The following NUP210L variants were observed in gnomAD, a reference collection of about 807,000 sequenced individuals.
The protein encoded by NUP210L is nuclear pore membrane glycoprotein 210-like.
NUP210L carries 74 observed loss-of-function variants against 208.5 expected under a neutral mutation model. The observed-to-expected ratio is 0.35, with a 90% confidence interval of 0.29 to 0.43. NUP210L has a LOEUF of 0.43. Among genes scored for constraint, NUP210L ranks in the 20% least tolerant of loss-of-function variants. The probability of loss-of-function intolerance (pLI) is 1.00; values close to 1 mark genes in which losing one functional copy is unlikely to be tolerated. For synonymous variants in NUP210L, 780 were observed against 816.9 expected (o/e 0.95, Z 0.77); for missense variants, 1,843 against 2,289.4 (o/e 0.81, Z 3.98).
intron 7 of NUP210L, among the ~76,000 whole-genome samples, chr1:154,130,576 ATT>A (rs765115829): frequency 0.012 from 1,139 of 98,892 alleles, 4 homozygotes; most frequent in East Asian, 0.016. Context: ...CCTGGCCCCA[ATT>A]TTTTTTTTTT....
chr1:153,995,861 T>C, intron 37 of NUP210L: 1 of 581,638 alleles, frequency 1.7e-6, no homozygotes, highest in Non-Finnish European at 3.3e-6. Context: ...GTTCCATGTG[T>C]GCTAAATGTG....
chr1:154,125,743 G>GGAAGGAAGGAAGGAAGGA (rs1657908787), intron 10 of NUP210L, among the ~76,000 whole-genome samples: 1 of 22,042 alleles, frequency 4.5e-5, no homozygotes, highest in African/African-American at 1.9e-4. Context: ...GGAAGGGAGG[G>GGAAGGAAGGAAGGAAGGA]AGGGAAATGT....
At chr1:154,053,772 T>A (rs553044572) in intron 25 of NUP210L, among the ~76,000 whole-genome samples, 10 of 152,324 alleles carry the variant, frequency 6.6e-5, no homozygotes, top group South Asian at 2.1e-4. Context: ...ATATGTGGGT[T>A]AATCTCTGTT....
At chr1:154,081,623 C>G (rs1398437183) in intron 16 of NUP210L, among the ~76,000 whole-genome samples, 2 of 152,178 alleles carry the variant, frequency 1.3e-5, no homozygotes, top group East Asian at 3.8e-4. Context: ...GGAGTTTAAT[C>G]ACGTGGCCAA....
At chr1:154,036,926 C>A (rs560974567) in intron 27 of NUP210L, among the ~76,000 whole-genome samples, 1 of 152,116 alleles carries the variant, frequency 6.6e-6, no homozygotes, top group South Asian at 2.1e-4. Flanking sequence ...CCACACCCAG[C>A]TAATTTTTGT....
chr1:154,006,433 A>G (rs1270502682), intron 35 of NUP210L, among the ~76,000 whole-genome samples: 1 of 151,934 alleles, frequency 6.6e-6, no homozygotes, highest in Non-Finnish European at 1.5e-5. Flanking sequence ...GTAAAACCTT[A>G]CTTAATTTGG....
At chr1:154,098,899 G>A (rs578227208) in intron 14 of NUP210L, among the ~76,000 whole-genome samples, 11 of 152,340 alleles carry the variant, frequency 7.2e-5, no homozygotes, top group South Asian at 4.1e-4. Context: ...GGGCACCTGC[G>A]GGCCAGTGCC....
intron 37 of NUP210L, among the ~76,000 whole-genome samples, chr1:153,999,508 C>G (rs1041286905): frequency 1.3e-5 from 2 of 152,060 alleles, no homozygotes; most frequent in Non-Finnish European, 2.9e-5. Flanking sequence ...GAGGCCAAGG[C>G]GGGTGGATCA....
At chr1:154,095,475 AT>A (rs1656135431) in intron 14 of NUP210L, among the ~76,000 whole-genome samples, 1 of 152,156 alleles carries the variant, frequency 6.6e-6, no homozygotes, top group Admixed American at 6.5e-5. Context: ...TCCTAATGTT[AT>A]TATATGTGTG....
chr1:154,152,215 C>T (rs1000675412), intron 2 of NUP210L, among the ~76,000 whole-genome samples: 2 of 32 alleles, frequency 0.062, no homozygotes, highest in Non-Finnish European at 0.1. Flanking sequence ...TCTGTCGCCC[C>T]GCTGGAGTGC....
At chr1:154,106,677 T>C (rs1285942193) in intron 12 of NUP210L, among the ~76,000 whole-genome samples, 2 of 152,172 alleles carry the variant, frequency 1.3e-5, no homozygotes, top group African/African-American at 4.8e-5. Flanking sequence ...AGAGACTCTG[T>C]TTGTTTGGGC....
intron 33 of NUP210L, among the ~76,000 whole-genome samples, chr1:154,018,669 C>A (rs904425092): frequency 6.6e-6 from 1 of 152,150 alleles, no homozygotes; most frequent in Non-Finnish European, 1.5e-5. Context: ...AGTAGACTCC[C>A]AAATGGTCTT....
In NUP210L at chr1:154,029,867, G is replaced by A. The variant is rs1652113267; in HGVS notation, c.3855+29C>T. On this transcript the variant is annotated intron_variant, in intron 28 of 39. Coordinates refer to ENST00000368559, the Ensembl canonical transcript of NUP210L. ...TATAACTTTCTTATCCTTAATATAC[G>A]AAAATAAGATTTAGATTTGGAAGCT... 6.4e-6 allele frequency: 10 copies of A among 1,572,566 alleles called. No homozygotes were observed. In the East Asian group the frequency reaches 6.8e-5, roughly 11 times the overall value.
intron 27 of NUP210L, among the ~76,000 whole-genome samples, chr1:154,034,504 T>C (rs1652424101): frequency 6.6e-6 from 1 of 152,048 alleles, no homozygotes; most frequent in African/African-American, 2.4e-5. Context: ...AATTTTTGTA[T>C]TTTTCGTAGA....
chr1:154,051,324 C>T (rs1012173878), intron 25 of NUP210L, among the ~76,000 whole-genome samples: 8 of 152,104 alleles, frequency 5.3e-5, no homozygotes, highest in Admixed American at 2.6e-4. Context: ...ATTCTCCTGC[C>T]TCAGCCTCCC....
At chr1:154,004,683 G>A (rs568140723) in intron 35 of NUP210L, among the ~76,000 whole-genome samples, 2 of 151,964 alleles carry the variant, frequency 1.3e-5, no homozygotes, top group Non-Finnish European at 2.9e-5. Context: ...TTCTCCATCT[G>A]TTGCCCAGGC....
chr1:154,127,121 AAAAG>A (rs1658022582), intron 9 of NUP210L, among the ~76,000 whole-genome samples, 186 bp downstream of exon 9: 1 of 151,684 alleles, frequency 6.6e-6, no homozygotes, highest in Non-Finnish European at 1.5e-5. Context: ...AAAAAAAAAA[AAAAG>A]AAGAAAAAGA....
At chr1:154,124,193 A>AC (rs1657765604) in intron 10 of NUP210L, among the ~76,000 whole-genome samples, 1 of 31,082 alleles carries the variant, frequency 3.2e-5, no homozygotes, top group African/African-American at 2.4e-4. Flanking sequence ...TCTCAAAAAG[A>AC]AAAAAAAAAA....
At chr1:154,104,399 G>A in intron 12 of NUP210L, 189 bp from the exon 13 acceptor site, 1 of 582,036 alleles carries the variant, frequency 1.7e-6, no homozygotes, top group Non-Finnish European at 3.1e-6. Context: ...CACAGTACCT[G>A]GTTTTAACAT....
Sources: allele counts gnomAD v4.1 joint callset (sites outside exome capture counted in the v4.1 genomes callset), GRCh38; gene constraint gnomAD v4.1.1; transcripts MANE v1.5; gene names NCBI Gene and HGNC (gene_info 2026-07-23, HGNC 2026-07-21).